Variants in RAB3C observed in about 807,000 individuals in gnomAD.
RAB3C encodes RAB3C, member RAS oncogene family.
RAB3C carries 17 observed loss-of-function variants against 26.4 expected under a neutral mutation model. The ratio of observed to expected loss-of-function variants is 0.64; its 90% CI spans 0.44 to 0.97. The LOEUF is 0.97. Ranked by LOEUF, RAB3C falls within the 50% of genes least tolerant of loss-of-function variation. The pLI, the probability that RAB3C is intolerant of heterozygous loss-of-function variation, is 0.00. For missense variants in RAB3C, 242 were observed against 281.9 expected (o/e 0.86, Z 1.01); for synonymous variants, 91 against 95.9 (o/e 0.95, Z 0.30).
chr5:58,739,551 A>C (rs1741231559), intron 3 of RAB3C, among the ~76,000 whole-genome samples: 1 of 152,204 alleles, frequency 6.6e-6, no homozygotes, highest in Non-Finnish European at 1.5e-5. Flanking sequence ...AAACTATTAA[A>C]AAAAAATTAG....
At chr5:58,698,017 G>A (rs574850877) in intron 2 of RAB3C, among the ~76,000 whole-genome samples, 140 of 152,264 alleles carry the variant, frequency 9.2e-4, no homozygotes, top group African/African-American at 3.2e-3. Flanking sequence ...TCATAGCATC[G>A]ATGGTCTTTA....
chr5:58,687,692 T>C (rs1475753195), intron 2 of RAB3C, among the ~76,000 whole-genome samples: 1 of 152,108 alleles, frequency 6.6e-6, no homozygotes, highest in East Asian at 1.9e-4. Context: ...TAGCTTAATA[T>C]TGGCATAAAT....
At chr5:58,671,692 T>C (rs1236563919) in intron 2 of RAB3C, among the ~76,000 whole-genome samples, 1 of 152,192 alleles carries the variant, frequency 6.6e-6, no homozygotes, top group Non-Finnish European at 1.5e-5. Flanking sequence ...AAACAAAATA[T>C]AATTTGAACT....
intron 3 of RAB3C, among the ~76,000 whole-genome samples, chr5:58,783,398 G>A (rs984851678): frequency 2.6e-5 from 4 of 152,138 alleles, no homozygotes; most frequent in African/African-American, 9.7e-5. Context: ...AAGACAACAT[G>A]TGTGTATCAT....
rs5868128 is a variant in RAB3C, at chr5:58,743,392, A to AT, written c.371+17282dup. Among the ~76,000 whole-genome samples the AT allele has an allele frequency of 3.7e-4, 56 of 150,352 alleles. No individual in the cohort carries two copies. In the South Asian group the frequency reaches 5.3e-3, roughly 14 times the overall value. On this transcript the variant is annotated intron_variant, in intron 3 of 4. Transcript: ENST00000282878. ...CTGCCATTGTGACCCCAGCATCAGG[A>AT]TTTTTTTTTTATTATTATCATACTT...
intron 4 of RAB3C, among the ~76,000 whole-genome samples, chr5:58,841,886 G>A (rs142127730): frequency 9.1e-4 from 139 of 152,212 alleles, no homozygotes; most frequent in African/African-American, 3.0e-3. Context: ...TTGACAAATC[G>A]TAGCTGTCTG....
chr5:58,851,302 C>A lies in RAB3C; in HGVS notation c.635C>A (p.Thr212Lys). 1.2e-6 allele frequency: 2 copies of A among 1,612,122 alleles called. No individual in the cohort carries two copies. Among genetic ancestry groups the A allele is most frequent in the Non-Finnish European group, 1.7e-6 (2 of 1,179,450 alleles). ...GCCATCACTGCTGCAAAGCAGAACA[C>A]GAGACTCAAGGAAACTCCTCCTCCA... ...DPAITAAKQNTRLKETPPPPQ... is the reference protein window; with the variant it reads ...DPAITAAKQNKRLKETPPPPQ... Residue 212 changes from threonine to lysine, a missense_variant, in exon 5 of 5, where the codon ACG becomes AAG. By Grantham distance (78) the Thr-to-Lys change is moderately conservative (BLOSUM62 -1). Transcript: ENST00000282878.
intron 3 of RAB3C, chr5:58,823,050 C>A: frequency 3.6e-6 from 2 of 557,174 alleles, no homozygotes; most frequent in South Asian, 1.5e-5. Context: ...AGATGATTCC[C>A]TGCTTGTGAT....
chr5:58,628,664 C>A (rs887486038), intron 2 of RAB3C, among the ~76,000 whole-genome samples: 1 of 98,492 alleles, frequency 1.0e-5, no homozygotes, highest in Non-Finnish European at 1.9e-5. Flanking sequence ...TTTAGCAGTT[C>A]ACAAAACTTA....
chr5:58,827,728 C>T (rs1413564859), intron 4 of RAB3C, among the ~76,000 whole-genome samples: 1 of 152,326 alleles, frequency 6.6e-6, no homozygotes, highest in East Asian at 1.9e-4. Context: ...GCAACCAACA[C>T]ATGTGCATTC....
At chr5:58,739,251 C>T (rs905252797) in intron 3 of RAB3C, among the ~76,000 whole-genome samples, 2 of 152,182 alleles carry the variant, frequency 1.3e-5, no homozygotes, top group South Asian at 2.1e-4. Context: ...TCTATTTGCC[C>T]AGTCAGCAAG....
chr5:58,623,052 C>T (rs1340827074), intron 2 of RAB3C, among the ~76,000 whole-genome samples: 1 of 152,184 alleles, frequency 6.6e-6, no homozygotes, highest in Non-Finnish European at 1.5e-5. Flanking sequence ...TTTATAGTTA[C>T]AGAAAAGAAC....
chr5:58,583,712 G>A (rs1219879806), intron 1 of RAB3C, among the ~76,000 whole-genome samples: 1 of 152,122 alleles, frequency 6.6e-6, no homozygotes. Flanking sequence ...GCTCCTCAAA[G>A]TCCCCTTTCT....
chr5:58,840,639 T>C (rs1189831050), intron 4 of RAB3C, among the ~76,000 whole-genome samples: 1 of 152,148 alleles, frequency 6.6e-6, no homozygotes, highest in Non-Finnish European at 1.5e-5. Context: ...TTTAGGGTAT[T>C]GGTTTGGTAG....
intron 3 of RAB3C, among the ~76,000 whole-genome samples, chr5:58,785,019 A>C (rs998318232): frequency 2.6e-5 from 4 of 152,220 alleles, no homozygotes; most frequent in Non-Finnish European, 4.4e-5. Context: ...ACCTGGGAAC[A>C]AGGGTGCCTA....
chr5:58,650,670 A>T (rs1446923066), intron 2 of RAB3C, among the ~76,000 whole-genome samples: 1 of 152,190 alleles, frequency 6.6e-6, no homozygotes, highest in Non-Finnish European at 1.5e-5. Flanking sequence ...ACTCCTGTAT[A>T]AATACATATG....
chr5:58,725,346 T>G (rs1361024955), intron 2 of RAB3C, among the ~76,000 whole-genome samples: 1 of 151,816 alleles, frequency 6.6e-6, no homozygotes, highest in Non-Finnish European at 1.5e-5. Context: ...ACTTGCTGCT[T>G]TTAGGATTCT....
At chr5:58,619,343 A>G (rs1561268935) in intron 2 of RAB3C, among the ~76,000 whole-genome samples, 1 of 152,160 alleles carries the variant, frequency 6.6e-6, no homozygotes, top group Non-Finnish European at 1.5e-5. Context: ...ACTCCTCTGT[A>G]TGGAGACAGA....
intron 4 of RAB3C, among the ~76,000 whole-genome samples, chr5:58,839,454 T>C (rs2548244): frequency 0.52 from 79,022 of 151,550 alleles, 21,131 homozygotes; most frequent in Middle Eastern, 0.68. Context: ...CACCACAACA[T>C]CCGCCTCCCA....
Sources: gnomAD v4.1 joint callset for allele counts (sites outside exome capture counted in the v4.1 genomes callset) on GRCh38, gnomAD v4.1.1 for gene constraint, MANE v1.5 for transcripts, NCBI Gene and HGNC (gene_info 2026-07-23, HGNC 2026-07-21) for gene names.